FRMD6: variants seen among roughly 807,000 people sequenced by gnomAD.
The protein encoded by FRMD6 is FERM domain-containing protein 6.
FRMD6 carries 37 observed loss-of-function variants against 73.2 expected under a neutral mutation model. That is an observed-to-expected ratio of 0.51 (90% confidence interval 0.39 to 0.66). The LOEUF is 0.66. FRMD6 is among the 30% of genes least tolerant of loss of function. FRMD6 has a pLI of 0.00. For synonymous variants in FRMD6, 273 were observed against 282.2 expected (o/e 0.97, Z 0.33); for missense variants, 714 against 780.5 (o/e 0.91, Z 1.02).
intron 1 of FRMD6, among the ~76,000 whole-genome samples, chr14:51,496,549 G>A (rs1376275941): frequency 6.6e-6 from 1 of 152,164 alleles, no homozygotes; most frequent in East Asian, 1.9e-4. Context: ...TGTTCTCAGG[G>A]TACCAAGAGG....
At chr14:51,712,301 A>C (rs1479677959) in intron 8 of FRMD6, among the ~76,000 whole-genome samples, 182 bp from the exon 9 acceptor site, 1 of 152,254 alleles carries the variant, frequency 6.6e-6, no homozygotes, top group Non-Finnish European at 1.5e-5. Context: ...TCACACAGGA[A>C]CCAAAAGCCA....
At chr14:51,401,936 C>G in the FRMD6 span, among the ~76,000 whole-genome samples, 2 of 152,176 alleles carry the variant, frequency 1.3e-5, no homozygotes, top group Non-Finnish European at 2.9e-5. Flanking sequence ...GGTTGAAACA[C>G]TTGGCCCAGC....
chr14:51,559,174 C>T (rs957585031), intron 1 of FRMD6, among the ~76,000 whole-genome samples: 5 of 152,178 alleles, frequency 3.3e-5, no homozygotes, highest in African/African-American at 9.7e-5. Flanking sequence ...TGATTTGGTA[C>T]CTATTCTCTG....
chr14:51,476,063 A>G, the FRMD6 span, among the ~76,000 whole-genome samples: 9 of 152,156 alleles, frequency 5.9e-5, no homozygotes, highest in Non-Finnish European at 1.3e-4. Flanking sequence ...TCAACTAGGA[A>G]CCGTTCAACT....
intron 3 of FRMD6, among the ~76,000 whole-genome samples, chr14:51,700,207 A>C (rs1371582702): frequency 6.6e-6 from 1 of 151,972 alleles, no homozygotes; most frequent in South Asian, 2.1e-4. Context: ...AAAGGAGTTT[A>C]AAAAAGACTT....
chr14:51,428,294 C>G, the FRMD6 span, among the ~76,000 whole-genome samples: 1 of 152,030 alleles, frequency 6.6e-6, no homozygotes, highest in Non-Finnish European at 1.5e-5. Flanking sequence ...CCAATTAAAT[C>G]AGGGCTTGAA....
intron 2 of FRMD6, among the ~76,000 whole-genome samples, chr14:51,638,127 T>A (rs963919756): frequency 6.6e-6 from 1 of 152,050 alleles, no homozygotes; most frequent in Non-Finnish European, 1.5e-5. Context: ...CTACAAAAAT[T>A]TACAAAATTA....
chr14:51,648,319 C>A (rs1892171736), upstream of FRMD6, among the ~76,000 whole-genome samples: 3 of 152,110 alleles, frequency 2.0e-5, no homozygotes, highest in Non-Finnish European at 2.9e-5. Context: ...AAAGTTTACA[C>A]CTCTCAAAAT....
At chr14:51,526,370 A>C (rs1415277462) in intron 1 of FRMD6, among the ~76,000 whole-genome samples, 1 of 152,098 alleles carries the variant, frequency 6.6e-6, no homozygotes, top group African/African-American at 2.4e-5. Flanking sequence ...TTTGATACCC[A>C]CTTCATGAGC....
chr14:51,679,455 T>G (rs1028643448), intron 1 of FRMD6, among the ~76,000 whole-genome samples: 3 of 151,018 alleles, frequency 2.0e-5, no homozygotes, highest in Non-Finnish European at 4.4e-5. Flanking sequence ...TCCCAACCTT[T>G]CAGTCATTGA....
intron 2 of FRMD6, among the ~76,000 whole-genome samples, chr14:51,690,240 T>A (rs1379552794): frequency 6.6e-6 from 1 of 152,206 alleles, no homozygotes; most frequent in Admixed American, 6.5e-5. Context: ...TGAATTTATG[T>A]CTTAAATGCT....
At chr14:51,518,440 ATATT>A (rs1884762859) in intron 1 of FRMD6, among the ~76,000 whole-genome samples, 1 of 152,196 alleles carries the variant, frequency 6.6e-6, no homozygotes, top group South Asian at 2.1e-4. Flanking sequence ...CAAGACATTT[ATATT>A]CTCAGAAGCG....
At chr14:51,449,221 A>G in the FRMD6 span, among the ~76,000 whole-genome samples, 4 of 152,158 alleles carry the variant, frequency 2.6e-5, no homozygotes, top group African/African-American at 9.7e-5. Context: ...TGTTTTTGGC[A>G]AGAGGGAAAG....
intron 6 of FRMD6, among the ~76,000 whole-genome samples, chr14:51,707,782 T>G (rs1369901538): frequency 6.6e-6 from 1 of 152,186 alleles, no homozygotes; most frequent in African/African-American, 2.4e-5. Flanking sequence ...TATGAAAGTT[T>G]GTGTAGTGTT....
At chr14:51,573,929 T>C (rs1006991723) in intron 2 of FRMD6, among the ~76,000 whole-genome samples, 3 of 152,154 alleles carry the variant, frequency 2.0e-5, no homozygotes, top group Admixed American at 6.5e-5. Context: ...CGAGACAAGA[T>C]TGCTTTCTAG....
At chr14:51,534,907 G>A (rs1013608355) in intron 1 of FRMD6, among the ~76,000 whole-genome samples, 1 of 152,166 alleles carries the variant, frequency 6.6e-6, no homozygotes, top group Admixed American at 6.5e-5. Context: ...AGTGGAGAAC[G>A]CAGGGCCCCG....
rs778545672 is a variant in FRMD6 at position 51,708,063 on chromosome 14, C to T, written c.559-15C>T. The T allele has an allele frequency of 6.2e-7, 1 of 1,612,260 alleles. No homozygotes were observed. The highest frequency in any genetic ancestry group is 1.7e-4 in the Middle Eastern group (1 of 6,044). ...CCAACAAATGTTGCATTGCACACCC[C>T]TTGTATCCCAACAGGTTGTTTCCAA... On this transcript the variant is annotated splice_polypyrimidine_tract_variant and intron_variant, in intron 6 of 13. Transcript: ENST00000344768.
chr14:51,597,255 A>G (rs552054159), intron 2 of FRMD6, among the ~76,000 whole-genome samples: 1 of 152,368 alleles, frequency 6.6e-6, no homozygotes, highest in African/African-American at 2.4e-5. Context: ...TGCATACATA[A>G]CTAGAATGCA....
At chr14:51,482,028 T>C in the FRMD6 span, among the ~76,000 whole-genome samples, 1 of 152,338 alleles carries the variant, frequency 6.6e-6, no homozygotes, top group Non-Finnish European at 1.5e-5. Flanking sequence ...CCTCAGCGCT[T>C]ATTGTTTTTC....
Sources: gnomAD v4.1 joint callset for allele counts (sites outside exome capture counted in the v4.1 genomes callset) on GRCh38, gnomAD v4.1.1 for gene constraint, MANE v1.5 for transcripts, NCBI Gene and HGNC (gene_info 2026-07-23, HGNC 2026-07-21) for gene names.